ADK: variants seen among roughly 807,000 people sequenced by gnomAD.
ADK encodes the protein adenosine kinase, also known as N6,N6-dimethyladenosine kinase.
ADK carries 24 observed loss-of-function variants against 44.7 expected under a neutral mutation model. That is an observed-to-expected ratio of 0.54 (90% CI 0.39 to 0.76). The LOEUF (loss-of-function observed/expected upper bound fraction) is 0.76, where lower values mean the gene tolerates loss of function less well. ADK is among the 30% of genes least tolerant of loss of function. The pLI, the probability that ADK is intolerant of heterozygous loss-of-function variation, is 0.00. For synonymous variants in ADK, 128 were observed against 142.6 expected, an observed-to-expected ratio of 0.90 and a Z score of 0.73; for missense variants, 321 against 425.1, an observed-to-expected ratio of 0.76 and a Z score of 2.15.
At chr10:74,672,591 G>T (rs999548186) in intron 10 of ADK, among the ~76,000 whole-genome samples, 26 of 152,124 alleles carry the variant, frequency 1.7e-4, no homozygotes, top group Admixed American at 5.2e-4. Flanking sequence ...TCAGTTCCCA[G>T]GGTAATCAGA....
intron 6 of ADK, among the ~76,000 whole-genome samples, chr10:74,486,361 G>A (rs896036870): frequency 1.3e-5 from 2 of 152,002 alleles, no homozygotes; most frequent in African/African-American, 4.8e-5. Flanking sequence ...ACCCAGTCTT[G>A]GGCAGTACTT....
At chr10:74,332,979 A>G (rs1841271738) in intron 4 of ADK, among the ~76,000 whole-genome samples, 1 of 152,160 alleles carries the variant, frequency 6.6e-6, no homozygotes, top group Non-Finnish European at 1.5e-5. Context: ...TGGACTTACT[A>G]CTGTTCCTCT....
intron 6 of ADK, chr10:74,516,591 T>A (rs1848592651): frequency 6.6e-6 from 1 of 152,240 alleles, no homozygotes. Flanking sequence ...TGGTGTGATC[T>A]CAGATCACTG....
intron 6 of ADK, among the ~76,000 whole-genome samples, chr10:74,470,861 T>G (rs186184093): frequency 3.5e-4 from 53 of 152,212 alleles, no homozygotes; most frequent in Admixed American, 8.5e-4. Flanking sequence ...ATTACCAAAT[T>G]CATTGCTGTG....
intron 2 of ADK, among the ~76,000 whole-genome samples, chr10:74,209,582 C>T (rs1384987549): frequency 6.6e-6 from 1 of 151,408 alleles, no homozygotes; most frequent in African/African-American, 2.4e-5. Flanking sequence ...TTCTAATTGT[C>T]AAAATTCATT....
At chr10:74,668,811 T>A (rs186421864) in intron 9 of ADK, among the ~76,000 whole-genome samples, 28 of 152,226 alleles carry the variant, frequency 1.8e-4, no homozygotes, top group African/African-American at 6.0e-4. Flanking sequence ...GGCAGGAGGA[T>A]TGCTCGAGCA....
chr10:74,547,486 T>TA (rs202133051), intron 7 of ADK, among the ~76,000 whole-genome samples: 2,749 of 135,064 alleles, frequency 0.02, 68 homozygotes, highest in African/African-American at 0.028. Flanking sequence ...ATTTTATTAT[T>TA]TTTTTTTTTT....
chr10:74,296,958 A>T (rs1482372455), intron 3 of ADK, among the ~76,000 whole-genome samples: 1 of 152,074 alleles, frequency 6.6e-6, no homozygotes, highest in African/African-American at 2.4e-5. Flanking sequence ...AAAGATGTTT[A>T]TTTCCATATT....
chr10:74,698,739 TG>T (rs1256678112), intron 10 of ADK, among the ~76,000 whole-genome samples: 2 of 152,136 alleles, frequency 1.3e-5, no homozygotes, highest in Non-Finnish European at 2.9e-5. Context: ...TGAATTTTTT[TG>T]TAGGGACGGA....
At chr10:74,152,701 A>G (rs1841639157) in intron 1 of ADK, among the ~76,000 whole-genome samples, 1 of 152,214 alleles carries the variant, frequency 6.6e-6, no homozygotes, top group Admixed American at 6.5e-5. Flanking sequence ...CTGTGATCAA[A>G]GGAAGGCAAG....
intron 7 of ADK, among the ~76,000 whole-genome samples, chr10:74,546,570 GA>G (rs1251556804): frequency 6.6e-6 from 1 of 152,088 alleles, no homozygotes; most frequent in Non-Finnish European, 1.5e-5. Context: ...AAATATATCT[GA>G]AAAGGTTACT....
At chr10:74,405,029 G>A (rs1487022951) in intron 6 of ADK, among the ~76,000 whole-genome samples, 1 of 152,070 alleles carries the variant, frequency 6.6e-6, no homozygotes, top group African/African-American at 2.4e-5. Context: ...ACTTGAAGTT[G>A]TCTCATAGCT....
intron 6 of ADK, among the ~76,000 whole-genome samples, chr10:74,425,344 A>G (rs1844752064): frequency 6.6e-6 from 1 of 152,198 alleles, no homozygotes; most frequent in African/African-American, 2.4e-5. Flanking sequence ...TCTGTAGGGT[A>G]GACATCATTC....
intron 1 of ADK, among the ~76,000 whole-genome samples, chr10:74,181,306 T>TA (rs1389313956): frequency 1.3e-5 from 2 of 152,282 alleles, no homozygotes; most frequent in East Asian, 1.9e-4. Context: ...TCTTTTTTTT[T>TA]AACTTAAGAT....
intron 3 of ADK, among the ~76,000 whole-genome samples, chr10:74,287,629 A>AC (rs1847226097): frequency 1.3e-5 from 2 of 152,164 alleles, no homozygotes; most frequent in Admixed American, 1.3e-4. Flanking sequence ...TAAATGGAAA[A>AC]CATATCAGTG....
intron 6 of ADK, among the ~76,000 whole-genome samples, chr10:74,493,485 T>C (rs974366613): frequency 6.6e-6 from 1 of 151,224 alleles, no homozygotes; most frequent in Admixed American, 6.6e-5. Context: ...TAGAGAGATA[T>C]ATAGATATAG....
intron 6 of ADK, among the ~76,000 whole-genome samples, chr10:74,519,484 A>G (rs530259083): frequency 3.9e-5 from 6 of 152,126 alleles, no homozygotes; most frequent in African/African-American, 1.4e-4. Context: ...TAGAGTATAT[A>G]GCCAATTCTT....
chr10:74,703,253 G>C (rs946380787), intron 10 of ADK, among the ~76,000 whole-genome samples: 1 of 152,076 alleles, frequency 6.6e-6, no homozygotes, highest in South Asian at 2.1e-4. Context: ...AGGCTGAGGC[G>C]GGTGGATTGC....
chr10:74,555,754 G>C (rs373346806), intron 7 of ADK, among the ~76,000 whole-genome samples: 7 of 152,178 alleles, frequency 4.6e-5, no homozygotes, highest in African/African-American at 1.7e-4. Context: ...GGAGTATCCT[G>C]TTTCTCAGTT....
Sources: gnomAD v4.1 joint callset for allele counts (sites outside exome capture counted in the v4.1 genomes callset) on GRCh38, gnomAD v4.1.1 for gene constraint, MANE v1.5 for transcripts, NCBI Gene and HGNC (gene_info 2026-07-23, HGNC 2026-07-21) for gene names.